AGBL1: variants seen among roughly 807,000 people sequenced by gnomAD.
The protein encoded by AGBL1 is AGBL carboxypeptidase 1.
AGBL1 carries 130 observed loss-of-function variants against 118.9 expected under a neutral mutation model. That is an observed-to-expected ratio of 1.09 (90% CI 0.95 to 1.26). AGBL1 has a LOEUF of 1.26. AGBL1 is among the 50% of genes most tolerant of loss of function. AGBL1 has a pLI of 0.00. For synonymous variants in AGBL1, 555 were observed against 478.9 expected (o/e 1.16, Z -2.08); for missense variants, 1,584 against 1,298.1 (o/e 1.22, Z -3.38).
rs772001293 is a variant in AGBL1, at chr15:86,264,541, C to T, written c.1370C>T (p.Pro457Leu). The T allele has an allele frequency of 1.5e-5, 24 of 1,614,056 alleles. No individual in the cohort carries two copies. The highest frequency in any genetic ancestry group is 1.7e-5 in the Non-Finnish European group (20 of 1,179,898). ...LRRDSSESEI[P>L]DIQASPKADA... ...AGAGATTCTTCTGAAAGTGAAATCC[C>T]TGACATTCAGGCTTCCCCGAAAGCA... The change falls in exon 11 of 23, where the codon CCT becomes CTT. Residue 457 changes from proline (P) to leucine (L), a missense_variant. Transcript: ENST00000614907.
At chr15:86,814,526 C>T (rs1233237842) in intron 22 of AGBL1, among the ~76,000 whole-genome samples, 1 of 152,156 alleles carries the variant, frequency 6.6e-6, no homozygotes, top group African/African-American at 2.4e-5. Flanking sequence ...GCATCTAGGT[C>T]ACAGAAACAC....
intron 13 of AGBL1, among the ~76,000 whole-genome samples, chr15:86,268,214 T>G (rs1342433423): frequency 6.6e-6 from 1 of 151,896 alleles, no homozygotes; most frequent in African/African-American, 2.4e-5. Context: ...AGGTGAAGGG[T>G]GATTTTTTTT....
rs144559351 is a variant in AGBL1, at chr15:86,471,620, A to C, written c.2556-51190A>C. Among the ~76,000 whole-genome samples the C allele has an allele frequency of 7.2e-5, 11 of 152,162 alleles. No individual in the cohort carries two copies. In the East Asian group the frequency reaches 2.1e-3, roughly 29 times the overall value. On this transcript the variant is annotated intron_variant, in intron 18 of 22. Coordinates refer to ENST00000614907, the MANE Select transcript of AGBL1 (RefSeq NM_001386094.1). The stretch of plus-strand genomic sequence containing the variant: ...TTTTTTTGTATGTGATTGATATTTA[A>C]ATCACATTTCTAATATTTGGTGAGG...
At chr15:86,636,203 C>T (rs2142452186) in intron 21 of AGBL1, among the ~76,000 whole-genome samples, 1 of 152,172 alleles carries the variant, frequency 6.6e-6, no homozygotes, top group East Asian at 1.9e-4. Context: ...GCTAAAATAC[C>T]CACTTCTACA....
At chr15:86,293,857 G>T (rs918598827) in intron 16 of AGBL1, among the ~76,000 whole-genome samples, 25 of 152,010 alleles carry the variant, frequency 1.6e-4, no homozygotes, top group African/African-American at 5.6e-4. Context: ...AAGAAACAAG[G>T]TGGGCGGTTT....
intron 18 of AGBL1, among the ~76,000 whole-genome samples, chr15:86,490,677 A>G (rs2082766908): frequency 1.3e-5 from 2 of 152,120 alleles, no homozygotes; most frequent in Admixed American, 1.3e-4. Context: ...TCACTGAGCT[A>G]TAGATTAGGA....
chr15:86,595,852 G>A (rs1376876450), intron 21 of AGBL1, among the ~76,000 whole-genome samples: 1 of 151,972 alleles, frequency 6.6e-6, no homozygotes, highest in Non-Finnish European at 1.5e-5. Flanking sequence ...CTGCTGATTG[G>A]TTGGAGATGA....
chr15:86,726,508 T>C (rs1037326666), intron 22 of AGBL1, among the ~76,000 whole-genome samples: 8 of 152,194 alleles, frequency 5.3e-5, no homozygotes, highest in Non-Finnish European at 1.0e-4. Flanking sequence ...TTGAGCAAGA[T>C]AATATGCATA....
intron 5 of AGBL1, among the ~76,000 whole-genome samples, chr15:86,216,139 T>C (rs956588653): frequency 2.0e-5 from 3 of 152,226 alleles, no homozygotes; most frequent in African/African-American, 7.2e-5. Flanking sequence ...TTAGTTTTAA[T>C]AGTTTTTAGT....
At chr15:86,166,656 A>G (rs191287934) in intron 5 of AGBL1, among the ~76,000 whole-genome samples, 1 of 152,160 alleles carries the variant, frequency 6.6e-6, no homozygotes, top group African/African-American at 2.4e-5. Context: ...TCAGGAACTC[A>G]TCCTGCGTGT....
At chr15:86,916,744 A>G (rs2080429323), downstream of AGBL1, among the ~76,000 whole-genome samples, 1 of 152,160 alleles carries the variant, frequency 6.6e-6, no homozygotes, top group Non-Finnish European at 1.5e-5. Context: ...ATTCATGAAC[A>G]TGAATGCTGT....
chr15:86,389,578 G>T (rs995642875), intron 17 of AGBL1, among the ~76,000 whole-genome samples: 1 of 152,150 alleles, frequency 6.6e-6, no homozygotes, highest in African/African-American at 2.4e-5. Flanking sequence ...TGTAGATGCA[G>T]CAAGGAGTGA....
At chr15:86,311,680 T>C (rs2079923922) in intron 17 of AGBL1, among the ~76,000 whole-genome samples, 1 of 152,228 alleles carries the variant, frequency 6.6e-6, no homozygotes, top group Admixed American at 6.5e-5. Context: ...GTAAGATGAC[T>C]AATTTACCCA....
chr15:86,498,815 G>A (rs2142156475), intron 18 of AGBL1, among the ~76,000 whole-genome samples: 1 of 151,952 alleles, frequency 6.6e-6, no homozygotes, highest in African/African-American at 2.4e-5. Flanking sequence ...GAAACTAGAA[G>A]GGCTTCTTAA....
At chr15:86,692,819 T>TTG (rs1274681198) in intron 22 of AGBL1, among the ~76,000 whole-genome samples, 1 of 152,148 alleles carries the variant, frequency 6.6e-6, no homozygotes, top group Admixed American at 6.6e-5. Context: ...CTTTGCATCT[T>TTG]CATAGCTGAG....
intron 21 of AGBL1, among the ~76,000 whole-genome samples, chr15:86,628,521 G>T (rs1276499745): frequency 6.6e-6 from 1 of 152,156 alleles, no homozygotes; most frequent in Non-Finnish European, 1.5e-5. Context: ...TTTTGGCTGG[G>T]CGCAGTGGCT....
chr15:87,020,119 G>T (rs2081648793), intron 24 of AGBL1, among the ~76,000 whole-genome samples: 1 of 151,864 alleles, frequency 6.6e-6, no homozygotes, highest in South Asian at 2.1e-4. Context: ...GGCAGTAATA[G>T]ATAGCCTACC....
intron 22 of AGBL1, among the ~76,000 whole-genome samples, chr15:86,883,758 TAAATA>T (rs1314975591): frequency 6.6e-6 from 1 of 152,304 alleles, no homozygotes; most frequent in Non-Finnish European, 1.5e-5. Context: ...AATGAATAGA[TAAATA>T]AAATTTGTAG....
intron 22 of AGBL1, among the ~76,000 whole-genome samples, chr15:86,895,969 A>G (rs147739738): frequency 7.9e-5 from 12 of 152,078 alleles, no homozygotes; most frequent in African/African-American, 2.9e-4. Flanking sequence ...TTTAAATATT[A>G]TCTCTTACCC....
Sources: gnomAD v4.1 joint callset for allele counts (sites outside exome capture counted in the v4.1 genomes callset) on GRCh38, gnomAD v4.1.1 for gene constraint, MANE v1.5 for transcripts, NCBI Gene and HGNC (gene_info 2026-07-23, HGNC 2026-07-21) for gene names.